The following LRRC4C variants were observed in gnomAD, a reference collection of about 807,000 sequenced individuals.
LRRC4C encodes leucine rich repeat containing 4C, also known as leucine-rich repeat-containing protein 4C.
A neutral mutation model predicts 33.6 loss-of-function variants in LRRC4C; 5 were observed. The ratio of observed to expected loss-of-function variants is 0.15; its 90% CI spans 0.08 to 0.31. LRRC4C has a LOEUF of 0.31. Ranked by LOEUF, LRRC4C falls within the 10% of genes least tolerant of loss-of-function variation. The pLI is 1.00. For synonymous variants in LRRC4C, 329 were observed against 302.0 expected (o/e 1.09, Z -0.93); for missense variants, 560 against 796.7 (o/e 0.70, Z 3.58).
At chr11:40,266,175 T>A (rs1290154151) in intron 4 of LRRC4C, among the ~76,000 whole-genome samples, 1 of 152,108 alleles carries the variant, frequency 6.6e-6, no homozygotes, top group Non-Finnish European at 1.5e-5. Flanking sequence ...GGGTGGCAGC[T>A]GTAGTCCCAG....
intron 3 of LRRC4C, among the ~76,000 whole-genome samples, chr11:40,502,684 G>A (rs1184227259): frequency 6.6e-6 from 1 of 152,076 alleles, no homozygotes; most frequent in African/African-American, 2.4e-5. Context: ...ATGAGATTTG[G>A]TTGGGGACAC....
At chr11:40,290,880 A>T (rs1482194598) in intron 4 of LRRC4C, among the ~76,000 whole-genome samples, 1 of 152,130 alleles carries the variant, frequency 6.6e-6, no homozygotes, top group East Asian at 1.9e-4. Flanking sequence ...TCTCAGGACC[A>T]ATGTGCCTTC....
chr11:41,112,788 G>A (rs1466818879), intron 1 of LRRC4C, among the ~76,000 whole-genome samples: 1 of 152,054 alleles, frequency 6.6e-6, no homozygotes, highest in Non-Finnish European at 1.5e-5. Flanking sequence ...GAGAGTCAGA[G>A]CACATTCATT....
chr11:41,163,554 G>A lies in LRRC4C; in HGVS notation c.-495-229831C>T, dbSNP rs371941827. Among the ~76,000 whole-genome samples, 83 of 151,100 alleles carry A rather than the reference G, an allele frequency of 5.5e-4. 1 individual carries two copies. The South Asian group carries it at 7.3e-3, about 13-fold the overall frequency. On this transcript the variant is annotated intron_variant, in intron 1 of 6. Coordinates refer to ENST00000528697, the MANE Select transcript of LRRC4C (RefSeq NM_001258419.2). ...TTACCTCGGCCTCCTAAAGTGCTGC[G>A]ATTACAGGCATGAGCCACCACACCT... is the stretch of plus-strand genomic sequence containing the variant.
At chr11:40,621,684 T>C (rs1001610830) in intron 3 of LRRC4C, among the ~76,000 whole-genome samples, 1 of 151,834 alleles carries the variant, frequency 6.6e-6, no homozygotes, top group Non-Finnish European at 1.5e-5. Flanking sequence ...TAACTCTTTT[T>C]TACTATCCTC....
chr11:40,562,850 T>C (rs550283357), intron 3 of LRRC4C, among the ~76,000 whole-genome samples: 7 of 152,124 alleles, frequency 4.6e-5, no homozygotes, highest in Non-Finnish European at 8.8e-5. Context: ...CTCATCTTTG[T>C]TCCTTGGCTC....
chr11:41,264,942 A>G (rs1488210083), intron 1 of LRRC4C, among the ~76,000 whole-genome samples: 1 of 152,160 alleles, frequency 6.6e-6, no homozygotes, highest in Non-Finnish European at 1.5e-5. Context: ...AACAGGGCCT[A>G]GAATGCAGGT....
intron 2 of LRRC4C, among the ~76,000 whole-genome samples, chr11:40,844,566 G>A (rs1226405202): frequency 1.3e-5 from 2 of 152,160 alleles, no homozygotes; most frequent in Non-Finnish European, 2.9e-5. Context: ...ATATGGGTGT[G>A]AAAAGCCTGG....
chr11:40,159,422 G>A (rs988804221), intron 5 of LRRC4C, among the ~76,000 whole-genome samples: 1 of 152,128 alleles, frequency 6.6e-6, no homozygotes, highest in African/African-American at 2.4e-5. Context: ...CTTATACAAG[G>A]TCACAAACAT....
At chr11:40,886,816 T>G (rs1051695716) in intron 2 of LRRC4C, among the ~76,000 whole-genome samples, 1 of 151,694 alleles carries the variant, frequency 6.6e-6, no homozygotes, top group Non-Finnish European at 1.5e-5. Flanking sequence ...TTAGTATCCC[T>G]CTCTCCACTG....
intron 3 of LRRC4C, among the ~76,000 whole-genome samples, chr11:40,410,599 G>A (rs1950123139): frequency 6.6e-6 from 1 of 152,040 alleles, no homozygotes; most frequent in African/African-American, 2.4e-5. Flanking sequence ...GCTGCATGGA[G>A]GCCTGGGCCA....
At chr11:41,125,850 A>G (rs556672730) in intron 1 of LRRC4C, among the ~76,000 whole-genome samples, 1 of 152,340 alleles carries the variant, frequency 6.6e-6, no homozygotes, top group African/African-American at 2.4e-5. Context: ...AGACCATTAC[A>G]TACAGTAACT....
chr11:41,192,406 C>T (rs1248879642), intron 1 of LRRC4C, among the ~76,000 whole-genome samples: 2 of 150,320 alleles, frequency 1.3e-5, no homozygotes, highest in Admixed American at 1.3e-4. Flanking sequence ...CATACACACA[C>T]ACACACACAC....
chr11:41,450,735 G>A lies in LRRC4C; in HGVS notation c.-496+8696C>T, dbSNP rs547345533. 5.1e-4 allele frequency among the ~76,000 whole-genome samples: 78 copies of A among 152,122 alleles called. 1 individual carries two copies. The South Asian group carries it at 9.7e-3, about 19-fold the overall frequency. On this transcript the variant is annotated intron_variant, in intron 1 of 6. Transcript: ENST00000528697. ...TGTGGGTTTTTACAAGGCTCTCTAC[G>A]GGGCTCCAACCTATATCTTCATTCC...
intron 1 of LRRC4C, among the ~76,000 whole-genome samples, chr11:41,059,452 C>A (rs575773329): frequency 2.0e-5 from 3 of 151,712 alleles, no homozygotes; most frequent in Non-Finnish European, 4.4e-5. Context: ...AAATAATGTA[C>A]GTGGTAGAGA....
chr11:41,254,480 C>T (rs1176398538), intron 1 of LRRC4C, among the ~76,000 whole-genome samples: 1 of 152,004 alleles, frequency 6.6e-6, no homozygotes, highest in Admixed American at 6.6e-5. Context: ...ATGGACTAGT[C>T]ATCTAAAGAG....
At chr11:40,770,610 A>T (rs1949707794) in intron 2 of LRRC4C, among the ~76,000 whole-genome samples, 1 of 152,164 alleles carries the variant, frequency 6.6e-6, no homozygotes. Flanking sequence ...GTCTCATCTG[A>T]GACAAGACAT....
chr11:40,516,298 A>G (rs955440854), intron 3 of LRRC4C, among the ~76,000 whole-genome samples: 1 of 151,888 alleles, frequency 6.6e-6, no homozygotes, highest in Admixed American at 6.6e-5. Context: ...ACTAATTAAG[A>G]CTAAGAGTTT....
chr11:40,678,562 A>G lies in LRRC4C; in HGVS notation c.-406-30284T>C, dbSNP rs1461773990. ...TCCCATAATCCCCATGCATCATAGG[A>G]GGGACCCAGTGGGAGTTAATTAAAA... On this transcript the variant is annotated intron_variant, in intron 2 of 6. Coordinates refer to ENST00000528697, the MANE Select transcript of LRRC4C (RefSeq NM_001258419.2). Among the ~76,000 whole-genome samples, 4 of 152,206 alleles carry G rather than the reference A, an allele frequency of 2.6e-5. No homozygotes were observed. The East Asian group carries it at 7.7e-4, about 29-fold the overall frequency.
Sources: gnomAD v4.1 joint callset for allele counts (sites outside exome capture counted in the v4.1 genomes callset) on GRCh38, gnomAD v4.1.1 for gene constraint, MANE v1.5 for transcripts, NCBI Gene and HGNC (gene_info 2026-07-23, HGNC 2026-07-21) for gene names.